ENTREP2: variants seen among roughly 807,000 people sequenced by gnomAD.
ENTREP2 encodes protein ENTREP2.
the ENTREP2 span, among the ~76,000 whole-genome samples, chr15:29,416,471 C>T: frequency 6.6e-6 from 1 of 152,210 alleles, no homozygotes; most frequent in Non-Finnish European, 1.5e-5. Context: ...TGGATCTCTT[C>T]CTTACACCTT....
chr15:29,272,910 G>C, the ENTREP2 span, among the ~76,000 whole-genome samples: 1 of 152,126 alleles, frequency 6.6e-6, no homozygotes, highest in Non-Finnish European at 1.5e-5. Context: ...TCCATGGTTG[G>C]TGGTCTTTTA....
At chr15:29,291,763 T>C in the ENTREP2 span, among the ~76,000 whole-genome samples, 2 of 152,216 alleles carry the variant, frequency 1.3e-5, no homozygotes. Context: ...GGAGAAATAG[T>C]GATAAACAAT....
the ENTREP2 span, among the ~76,000 whole-genome samples, chr15:29,182,403 G>A: frequency 6.6e-6 from 1 of 152,076 alleles, no homozygotes; most frequent in African/African-American, 2.4e-5. Context: ...GGGATTACAG[G>A]CATGGCCACT....
the ENTREP2 span, among the ~76,000 whole-genome samples, chr15:29,218,233 G>A: frequency 5.9e-5 from 9 of 152,276 alleles, no homozygotes; most frequent in South Asian, 1.5e-3. Context: ...GCCTCCTGAC[G>A]GGAGGTGGCA....
At chr15:29,435,627 C>G in the ENTREP2 span, among the ~76,000 whole-genome samples, 5 of 151,648 alleles carry the variant, frequency 3.3e-5, no homozygotes, top group East Asian at 9.7e-4. Context: ...AAAAATAAGG[C>G]CCTTGGATTC....
At chr15:29,646,293 G>A in the ENTREP2 span, among the ~76,000 whole-genome samples, 309 of 152,324 alleles carry the variant, frequency 2.0e-3, 4 homozygotes, top group African/African-American at 7.1e-3. Context: ...GTCTCACAAA[G>A]CTGATATTGA....
chr15:29,300,291 G>T, the ENTREP2 span, among the ~76,000 whole-genome samples: 1 of 70,564 alleles, frequency 1.4e-5, no homozygotes, highest in East Asian at 4.6e-4. Flanking sequence ...TGAATCGGTA[G>T]GTGGGTAGAT....
At chr15:29,261,824 G>A in the ENTREP2 span, among the ~76,000 whole-genome samples, 2 of 151,210 alleles carry the variant, frequency 1.3e-5, no homozygotes, top group Non-Finnish European at 2.9e-5. Flanking sequence ...AAATACATCT[G>A]AGAATTTATC....
the ENTREP2 span, among the ~76,000 whole-genome samples, chr15:29,324,474 AG>A: frequency 6.6e-6 from 1 of 152,196 alleles, no homozygotes; most frequent in African/African-American, 2.4e-5. Context: ...AGAAACTATC[AG>A]AGTAGATAAA....
At chr15:29,587,171 G>GTGTGTGTGTGTA in the ENTREP2 span, among the ~76,000 whole-genome samples, 2 of 147,130 alleles carry the variant, frequency 1.4e-5, no homozygotes, top group East Asian at 2.0e-4. Flanking sequence ...GTGTGTGTGT[G>GTGTGTGTGTGTA]TGTGTGTGTG....
the ENTREP2 span, among the ~76,000 whole-genome samples, chr15:29,194,620 C>T: frequency 1.3e-5 from 2 of 152,298 alleles, no homozygotes; most frequent in African/African-American, 4.8e-5. Flanking sequence ...CCACCTCATA[C>T]CAAGGGCTTT....
At chr15:29,329,324 C>T in the ENTREP2 span, among the ~76,000 whole-genome samples, 1 of 150,882 alleles carries the variant, frequency 6.6e-6, no homozygotes, top group East Asian at 1.9e-4. Context: ...GATCGCACCA[C>T]TGCACTCCAG....
At chr15:29,564,987 G>A in the ENTREP2 span, among the ~76,000 whole-genome samples, 1 of 152,062 alleles carries the variant, frequency 6.6e-6, no homozygotes, top group Non-Finnish European at 1.5e-5. Flanking sequence ...CATAAAACAA[G>A]GAACAAAGAA....
chr15:29,558,285 G>A, the ENTREP2 span, among the ~76,000 whole-genome samples: 16 of 152,136 alleles, frequency 1.1e-4, no homozygotes, highest in African/African-American at 3.4e-4. Flanking sequence ...GCCACCCCAC[G>A]GGAGAATGGC....
At chr15:29,378,298 C>CGTAA in the ENTREP2 span, among the ~76,000 whole-genome samples, 1 of 151,178 alleles carries the variant, frequency 6.6e-6, no homozygotes, top group Non-Finnish European at 1.5e-5. Flanking sequence ...TGAATGGTTA[C>CGTAA]CATCATTGTT....
chr15:29,301,262 C>T, the ENTREP2 span, among the ~76,000 whole-genome samples: 2 of 152,080 alleles, frequency 1.3e-5, no homozygotes, highest in Admixed American at 6.6e-5. Context: ...TTAACAGAAT[C>T]GAGAAAAGCA....
chr15:29,447,753 T>G, the ENTREP2 span, among the ~76,000 whole-genome samples: 1 of 152,062 alleles, frequency 6.6e-6, no homozygotes, highest in Non-Finnish European at 1.5e-5. Context: ...CTTTGAATAT[T>G]TTTAAATTTA....
chr15:29,134,475 G>C, the ENTREP2 span, among the ~76,000 whole-genome samples: 1 of 152,180 alleles, frequency 6.6e-6, no homozygotes, highest in Admixed American at 6.5e-5. Context: ...TGTGCTGGGG[G>C]CTCACGGGCC....
At chr15:29,336,162 ATT>A in the ENTREP2 span, among the ~76,000 whole-genome samples, 1 of 150,816 alleles carries the variant, frequency 6.6e-6, no homozygotes, top group African/African-American at 2.4e-5. Flanking sequence ...AAAAAAAAAA[ATT>A]CCTTGCTGGG....
Sources: allele counts gnomAD v4.1 joint callset (sites outside exome capture counted in the v4.1 genomes callset), GRCh38; gene constraint gnomAD v4.1.1; transcripts MANE v1.5; gene names NCBI Gene and HGNC (gene_info 2026-07-23, HGNC 2026-07-21).